Variants in CDH18 observed in about 807,000 individuals in gnomAD.
CDH18 encodes cadherin 18.
In CDH18, 31 loss-of-function variants were observed where a neutral mutation model predicts 67.9. The ratio of observed to expected loss-of-function variants is 0.46; its 90% CI spans 0.34 to 0.62. CDH18 has a LOEUF of 0.62. CDH18 is among the 20% of genes least tolerant of loss of function. CDH18 has a pLI of 0.01. For synonymous variants in CDH18, 362 were observed against 347.2 expected (o/e 1.04, Z -0.48); for missense variants, 890 against 975.5 (o/e 0.91, Z 1.17).
intron 2 of CDH18, among the ~76,000 whole-genome samples, chr5:19,875,816 C>A (rs1786926451): frequency 6.6e-6 from 1 of 151,576 alleles, no homozygotes; most frequent in East Asian, 1.9e-4. Context: ...TATTAATTGT[C>A]ATTGAAAAAT....
At chr5:20,027,821 G>A (rs1319441402) in intron 2 of CDH18, among the ~76,000 whole-genome samples, 3 of 152,168 alleles carry the variant, frequency 2.0e-5, no homozygotes, top group Non-Finnish European at 4.4e-5. Flanking sequence ...ACTTAAGATA[G>A]GGTTGCTAAG....
At chr5:19,513,605 A>G (rs1745460992) in intron 10 of CDH18, among the ~76,000 whole-genome samples, 2 of 152,054 alleles carry the variant, frequency 1.3e-5, no homozygotes, top group Admixed American at 1.3e-4. Context: ...TATTTGGATT[A>G]AATTGATTTA....
intron 2 of CDH18, among the ~76,000 whole-genome samples, chr5:19,994,855 T>TAGAGAGAG (rs1554078420): frequency 0.018 from 1,201 of 67,574 alleles, 176 homozygotes; most frequent in Non-Finnish European, 0.022. Context: ...TATATATATA[T>TAGAGAGAG]AGAGAGAGAG....
intron 12 of CDH18, among the ~76,000 whole-genome samples, chr5:19,476,404 A>G (rs1407104187): frequency 6.6e-6 from 1 of 152,094 alleles, no homozygotes; most frequent in African/African-American, 2.4e-5. Context: ...TACGTTGCCT[A>G]TATGTCAAAG....
At chr5:19,846,327 T>C (rs1196118886) in intron 2 of CDH18, among the ~76,000 whole-genome samples, 4 of 152,138 alleles carry the variant, frequency 2.6e-5, no homozygotes, top group African/African-American at 9.6e-5. Context: ...ATGTTACTGA[T>C]GTCACAAATA....
At chr5:19,760,058 C>T (rs551980241) in intron 3 of CDH18, among the ~76,000 whole-genome samples, 3 of 152,234 alleles carry the variant, frequency 2.0e-5, no homozygotes, top group South Asian at 2.1e-4. Context: ...GAGCTCTACG[C>T]GAGTCACACT....
At chr5:19,919,583 C>T (rs1203037152) in intron 2 of CDH18, among the ~76,000 whole-genome samples, 2 of 152,180 alleles carry the variant, frequency 1.3e-5, no homozygotes, top group Non-Finnish European at 2.9e-5. Flanking sequence ...AAAACCTACA[C>T]ATTTGATATC....
chr5:20,242,600 AAAAAAAAAAAAATATATAT>A lies in CDH18; in HGVS notation c.-518+12825_-518+12843del, dbSNP rs1217735268. On this transcript the variant is annotated intron_variant, in intron 2 of 14. Transcript: ENST00000507958. ...AGGTTTTGGGTTTCATTGAGGGAAA[AAAAAAAAAAAAATATATAT>A]ATATATATATATATGTATATATATA... is the stretch of plus-strand genomic sequence containing the variant. 8.7e-5 allele frequency among the ~76,000 whole-genome samples: 6 copies of A among 69,126 alleles called. 1 individual carries two copies. The highest frequency in any genetic ancestry group is 4.2e-4 in the African/African-American group (4 of 9,528). 45.3% of individuals were successfully genotyped at this position (69,126 alleles called of 152,430 possible).
At chr5:19,720,805 C>T (rs1765993794) in intron 5 of CDH18, among the ~76,000 whole-genome samples, 1 of 151,970 alleles carries the variant, frequency 6.6e-6, no homozygotes, top group South Asian at 2.1e-4. Flanking sequence ...TTTGGTAACA[C>T]AATATTTGAG....
At chr5:19,860,112 T>C (rs914970032) in intron 2 of CDH18, among the ~76,000 whole-genome samples, 5 of 151,962 alleles carry the variant, frequency 3.3e-5, no homozygotes, top group African/African-American at 7.2e-5. Context: ...CTGTTTATGG[T>C]CATCCATTGA....
At chr5:20,244,627 C>T (rs1215431098) in intron 2 of CDH18, among the ~76,000 whole-genome samples, 1 of 151,922 alleles carries the variant, frequency 6.6e-6, no homozygotes. Context: ...ATGTTTTGGA[C>T]TCATAAAAAT....
chr5:19,507,186 A>G (rs1284585494), intron 10 of CDH18, among the ~76,000 whole-genome samples: 1 of 152,226 alleles, frequency 6.6e-6, no homozygotes, highest in Admixed American at 6.5e-5. Context: ...AGAGAAATGC[A>G]AATCAAAACC....
At chr5:20,501,609 T>TATA (rs2126444301) in intron 1 of CDH18, among the ~76,000 whole-genome samples, 1 of 112,494 alleles carries the variant, frequency 8.9e-6, no homozygotes, top group African/African-American at 3.4e-5. Context: ...TATATATATA[T>TATA]ATATATGGAG....
intron 9 of CDH18, among the ~76,000 whole-genome samples, chr5:19,522,904 A>G (rs1038067639): frequency 1.3e-5 from 2 of 151,236 alleles, no homozygotes; most frequent in Non-Finnish European, 3.0e-5. Flanking sequence ...CAAAAAAAAA[A>G]AAAAAAAAAA....
In CDH18 at chr5:20,172,205, T is replaced by TAC. The variant is rs1191633250; in HGVS notation, c.-518+83238_-518+83239insGT. 1.4e-4 allele frequency among the ~76,000 whole-genome samples: 9 copies of TAC among 62,190 alleles called. 1 individual carries two copies. Among genetic ancestry groups the TAC allele is most frequent in the Admixed American group, 5.2e-4 (3 of 5,720 alleles). 40.8% of individuals were successfully genotyped at this position (62,190 alleles called of 152,430 possible). On this transcript the variant is annotated intron_variant, in intron 2 of 14. Transcript: ENST00000507958. ...AGCATTGTGTGTATATATATATATA[T>TAC]ATATATATATATATATATGTATATA...
intron 3 of CDH18, among the ~76,000 whole-genome samples, chr5:19,794,894 T>C (rs1259681785): frequency 6.6e-6 from 1 of 151,962 alleles, no homozygotes; most frequent in Admixed American, 6.6e-5. Context: ...AAGGGACAAA[T>C]GTAAGTGATT....
At chr5:20,464,780 G>A (rs1047459601) in intron 1 of CDH18, among the ~76,000 whole-genome samples, 2 of 152,084 alleles carry the variant, frequency 1.3e-5, no homozygotes, top group Non-Finnish European at 2.9e-5. Context: ...GAGATGGCAA[G>A]GAAGAGAAGT....
At chr5:20,280,804 A>C (rs1426981215) in intron 1 of CDH18, among the ~76,000 whole-genome samples, 1 of 152,176 alleles carries the variant, frequency 6.6e-6, no homozygotes, top group African/African-American at 2.4e-5. Flanking sequence ...CAAGGGTTGA[A>C]CTAGTTTACA....
At chr5:19,999,787 C>G (rs1161933703) in intron 2 of CDH18, among the ~76,000 whole-genome samples, 1 of 152,044 alleles carries the variant, frequency 6.6e-6, no homozygotes, top group Non-Finnish European at 1.5e-5. Flanking sequence ...GCATTAATAC[C>G]AAGCATGAGG....
Sources: allele counts gnomAD v4.1 joint callset (sites outside exome capture counted in the v4.1 genomes callset), GRCh38; gene constraint gnomAD v4.1.1; transcripts MANE v1.5; gene names NCBI Gene and HGNC (gene_info 2026-07-23, HGNC 2026-07-21).